The following KMO variants were observed in gnomAD, a reference collection of about 807,000 sequenced individuals.
KMO encodes the protein kynurenine 3-monooxygenase, also known as kynurenine 3-hydroxylase.
Under a neutral mutation model 57.8 loss-of-function variants are expected in KMO, and 24 were observed. The ratio of observed to expected loss-of-function variants is 0.42; its 90% CI spans 0.30 to 0.58. The LOEUF (loss-of-function observed/expected upper bound fraction) is 0.58, where lower values mean the gene tolerates loss of function less well. KMO is among the 20% of genes least tolerant of loss of function. The pLI, the probability that KMO is intolerant of heterozygous loss-of-function variation, is 0.22. For synonymous variants in KMO, 210 were observed against 193.6 expected (o/e 1.08, Z -0.70); for missense variants, 483 against 588.2 (o/e 0.82, Z 1.85).
intron 11 of KMO, among the ~76,000 whole-genome samples, chr1:241,588,481 C>T (rs1663108200): frequency 6.6e-6 from 1 of 151,880 alleles, no homozygotes; most frequent in South Asian, 2.1e-4. Flanking sequence ...TGCATAAGAA[C>T]ACACTGTCAA....
At chr1:241,550,758 T>C (rs937291810) in intron 3 of KMO, among the ~76,000 whole-genome samples, 197 bp from the exon 4 acceptor site, 2 of 152,168 alleles carry the variant, frequency 1.3e-5, no homozygotes, top group Admixed American at 1.3e-4. Flanking sequence ...AGATCTAAGA[T>C]TAAAAAAACA....
At chr1:241,560,644 C>T (rs1385868828) in intron 5 of KMO, 21 bp from the exon 6 acceptor site, 18 of 1,538,326 alleles carry the variant, frequency 1.2e-5, no homozygotes, top group Non-Finnish European at 1.3e-5. Context: ...TTTCTGTTTG[C>T]CTCTTTCTCC....
chr1:241,562,418 G>C, intron 7 of KMO, 86 bp downstream of exon 7: 1 of 1,345,944 alleles, frequency 7.4e-7, no homozygotes, highest in Non-Finnish European at 1.0e-6. Context: ...GTTCTCAGCA[G>C]CATGTCTTGA....
In KMO at chr1:241,590,196, C is replaced by T. The variant is rs1220857608; in HGVS notation, c.1201-8C>T. On this transcript the variant is annotated splice_region_variant and splice_polypyrimidine_tract_variant and intron_variant, in intron 13 of 14. Transcript: ENST00000366559. ...ATACACAAGAATACTTTTTAAACTT[C>T]CCTGCAGGTCACTTTTTCCAGAATA... 6.2e-7 allele frequency: 1 copy of T among 1,612,638 alleles called. No homozygotes were observed. Among genetic ancestry groups the T allele is most frequent in the Non-Finnish European group, 8.5e-7 (1 of 1,179,298 alleles).
chr1:241,582,367 C>A (rs1029513268), intron 10 of KMO, among the ~76,000 whole-genome samples: 1 of 152,032 alleles, frequency 6.6e-6, no homozygotes, highest in Non-Finnish European at 1.5e-5. Flanking sequence ...ACCCTTATGT[C>A]TCTCTCTATA....
intron 5 of KMO, among the ~76,000 whole-genome samples, chr1:241,559,155 G>T (rs1381417402): frequency 6.6e-6 from 1 of 151,250 alleles, no homozygotes; most frequent in Admixed American, 6.6e-5. Flanking sequence ...ATTTCAATAT[G>T]TAATCAATAT....
chr1:241,541,921 G>GC, intron 1 of KMO, among the ~76,000 whole-genome samples: 1 of 152,162 alleles, frequency 6.6e-6, no homozygotes. Context: ...AAACATTCAT[G>GC]ATTCTTAAGG....
intron 10 of KMO, among the ~76,000 whole-genome samples, chr1:241,584,543 C>T (rs1349109624): frequency 6.6e-6 from 1 of 152,130 alleles, no homozygotes; most frequent in Non-Finnish European, 1.5e-5. Flanking sequence ...AGATGTTGAA[C>T]ACTACTGCCT....
chr1:241,578,312 C>T (rs1451448234), intron 10 of KMO, among the ~76,000 whole-genome samples: 1 of 152,172 alleles, frequency 6.6e-6, no homozygotes, highest in Non-Finnish European at 1.5e-5. Flanking sequence ...GCAAACATGA[C>T]TCTGATGAAA....
chr1:241,536,098 G>A (rs1203456801), intron 1 of KMO, among the ~76,000 whole-genome samples: 3 of 152,048 alleles, frequency 2.0e-5, no homozygotes, highest in African/African-American at 2.4e-5. Flanking sequence ...AGAAGTTATG[G>A]GAAATTTTTA....
At chr1:241,539,027 C>G (rs1024494844) in intron 1 of KMO, among the ~76,000 whole-genome samples, 3 of 152,152 alleles carry the variant, frequency 2.0e-5, no homozygotes, top group Non-Finnish European at 4.4e-5. Context: ...TGATGGTAAT[C>G]TAAGCCGGTA....
chr1:241,564,903 T>C, intron 7 of KMO, 84 bp from the exon 8 acceptor site: 3 of 795,304 alleles, frequency 3.8e-6, no homozygotes, highest in East Asian at 2.5e-5. Flanking sequence ...TTTTAATTAC[T>C]GTGGAAACTA....
At chr1:241,543,719 T>C (rs78252344) in intron 1 of KMO, among the ~76,000 whole-genome samples, 7,752 of 152,250 alleles carry the variant, frequency 0.051, 271 homozygotes, top group Non-Finnish European at 0.073. Context: ...GAGATCCCAT[T>C]AGGCCTCATC....
rs768628756 is a variant in KMO at position 241,594,402 on chromosome 1, C to T, written c.*2249C>T. ...CAAAAGTGGCATCCAATTTAAGGCC[C>T]CATCTTTCGTTGCCATTCTTCATTC... On this transcript the variant is annotated 3_prime_UTR_variant, in exon 15 of 15. Coordinates refer to ENST00000366559, the MANE Select transcript of KMO (RefSeq NM_003679.5). 10 of 1,601,594 alleles carry T rather than the reference C, an allele frequency of 6.2e-6. No individual in the cohort carries two copies. In the East Asian group the frequency reaches 1.8e-4, roughly 29 times the overall value.
At chr1:241,532,575 C>A in intron 1 of KMO, 77 bp downstream of exon 1, 2 of 1,072,918 alleles carry the variant, frequency 1.9e-6, no homozygotes, top group South Asian at 1.5e-5. Context: ...TATTATTCGT[C>A]ACTTCTGCAA....
At chr1:241,554,466 G>A (rs1661533591) in intron 4 of KMO, among the ~76,000 whole-genome samples, 1 of 151,786 alleles carries the variant, frequency 6.6e-6, no homozygotes, top group African/African-American at 2.4e-5. Flanking sequence ...TAGAGACGGG[G>A]TTTCGCCATG....
chr1:241,582,373 C>A (rs149815558), intron 10 of KMO, among the ~76,000 whole-genome samples: 12 of 152,280 alleles, frequency 7.9e-5, no homozygotes, highest in South Asian at 2.1e-4. Flanking sequence ...ATGTCTCTCT[C>A]TATATATGTT....
chr1:241,555,383 T>C (rs939665472), intron 4 of KMO, among the ~76,000 whole-genome samples: 13 of 152,226 alleles, frequency 8.5e-5, no homozygotes, highest in Admixed American at 5.2e-4. Flanking sequence ...TTTTAAAGTA[T>C]TAAACTTTGA....
At position 241,566,645 on chromosome 1, in the gene KMO, G is replaced by GT. The variant is rs768076021; in HGVS notation, c.809+37dup. 1.9e-6 allele frequency: 3 copies of GT among 1,610,414 alleles called. 1 individual carries two copies. In the South Asian group the frequency reaches 3.3e-5, roughly 18 times the overall value. ...GCAAGATGTGCCTTTTGCTCCATTT[G>GT]TTTTAATTATTCCAAATTCAAATAA... On this transcript the variant is annotated intron_variant, in intron 9 of 14. Transcript: ENST00000366559.
Sources: gnomAD v4.1 joint callset for allele counts (sites outside exome capture counted in the v4.1 genomes callset) on GRCh38, gnomAD v4.1.1 for gene constraint, MANE v1.5 for transcripts, NCBI Gene and HGNC (gene_info 2026-07-23, HGNC 2026-07-21) for gene names.